The following TMEM132C variants were observed in gnomAD, a reference collection of about 807,000 sequenced individuals.
TMEM132C encodes protein phosphatase 1, regulatory subunit 152.
TMEM132C carries 29 observed loss-of-function variants against 61.4 expected under a neutral mutation model. The observed-to-expected ratio is 0.47, with a 90% CI of 0.35 to 0.64. The LOEUF is 0.64. TMEM132C is among the 30% of genes least tolerant of loss of function. The probability of loss-of-function intolerance (pLI) is 0.00; values close to 1 mark genes in which losing one functional copy is unlikely to be tolerated. For missense variants in TMEM132C, 1,408 were observed against 1,476.9 expected, an observed-to-expected ratio of 0.95 and a Z score of 0.76; for synonymous variants, 656 against 633.1, an observed-to-expected ratio of 1.04 and a Z score of -0.54.
At chr12:128,271,423 A>T (rs1304524166) in intron 1 of TMEM132C, among the ~76,000 whole-genome samples, 1 of 152,112 alleles carries the variant, frequency 6.6e-6, no homozygotes, top group Non-Finnish European at 1.5e-5. Context: ...TTATCTGTCC[A>T]TTATAAAAAA....
At chr12:128,393,973 G>T (rs919443499) in intron 1 of TMEM132C, among the ~76,000 whole-genome samples, 2 of 152,106 alleles carry the variant, frequency 1.3e-5, no homozygotes, top group Admixed American at 6.5e-5. Context: ...CTTTAAAGAC[G>T]GTGTATTAGT....
At chr12:128,610,194 C>A (rs977195888) in intron 3 of TMEM132C, among the ~76,000 whole-genome samples, 1 of 152,224 alleles carries the variant, frequency 6.6e-6, no homozygotes, top group Non-Finnish European at 1.5e-5. Flanking sequence ...TAAAGCCAAG[C>A]CTGGATCGAG....
chr12:128,385,989 G>T (rs1413272507), intron 1 of TMEM132C, among the ~76,000 whole-genome samples: 2 of 152,084 alleles, frequency 1.3e-5, no homozygotes, highest in East Asian at 3.9e-4. Flanking sequence ...CTGGGCTATG[G>T]CCCCTGGAAC....
intron 6 of TMEM132C, 140 bp downstream of exon 6, chr12:128,694,174 C>A: frequency 1.9e-6 from 2 of 1,055,966 alleles, no homozygotes; most frequent in Non-Finnish European, 2.7e-6. Context: ...GATAACCCAG[C>A]CAGGCCCAAA....
chr12:128,339,677 T>TAAAA (rs35420656), intron 1 of TMEM132C, among the ~76,000 whole-genome samples: 4 of 135,976 alleles, frequency 2.9e-5, no homozygotes, highest in African/African-American at 1.1e-4. Context: ...ACACCAGTAC[T>TAAAA]AAAAAAAAAA....
At chr12:128,549,988 C>G (rs895187575) in intron 3 of TMEM132C, among the ~76,000 whole-genome samples, 2 of 152,228 alleles carry the variant, frequency 1.3e-5, no homozygotes, top group Middle Eastern at 6.8e-3. Flanking sequence ...GGAAATACAC[C>G]CAATGGATCA....
chr12:128,311,292 C>T (rs978963362), intron 1 of TMEM132C, among the ~76,000 whole-genome samples: 1 of 152,160 alleles, frequency 6.6e-6, no homozygotes, highest in South Asian at 2.1e-4. Context: ...AAGCTGGATC[C>T]GAAGGTTGCA....
intron 1 of TMEM132C, 120 bp from the exon 2 acceptor site, chr12:128,414,612 A>G: frequency 9.0e-7 from 1 of 1,112,902 alleles, no homozygotes; most frequent in Non-Finnish European, 1.2e-6. Flanking sequence ...AATTCTAGCC[A>G]AGTGGGCTTC....
At chr12:128,660,346 C>T (rs1242829356) in intron 4 of TMEM132C, among the ~76,000 whole-genome samples, 1 of 151,934 alleles carries the variant, frequency 6.6e-6, no homozygotes, top group African/African-American at 2.4e-5. Flanking sequence ...ATAGCCAGTT[C>T]TATAGGAGAA....
At chr12:128,374,525 G>T (rs967349974) in intron 1 of TMEM132C, among the ~76,000 whole-genome samples, 7 of 152,112 alleles carry the variant, frequency 4.6e-5, no homozygotes, top group Non-Finnish European at 8.8e-5. Flanking sequence ...CCAGGCAGTG[G>T]GTGGGTTTGG....
intron 1 of TMEM132C, among the ~76,000 whole-genome samples, chr12:128,282,540 C>A (rs544938929): frequency 1.9e-4 from 29 of 152,276 alleles, no homozygotes; most frequent in Admixed American, 9.8e-4. Flanking sequence ...AAAGCCACTA[C>A]CCCCCTCCTC....
intron 2 of TMEM132C, among the ~76,000 whole-genome samples, chr12:128,449,021 C>G (rs1247552995): frequency 6.6e-6 from 1 of 150,848 alleles, no homozygotes; most frequent in Non-Finnish European, 1.5e-5. Context: ...CCTGTAGTCC[C>G]AGCTACTCGG....
chr12:128,445,125 C>T (rs1275733494), intron 2 of TMEM132C, among the ~76,000 whole-genome samples: 1 of 151,894 alleles, frequency 6.6e-6, no homozygotes, highest in Non-Finnish European at 1.5e-5. Context: ...TCCAAAAAAG[C>T]AGAGAACAGG....
rs888846746 is a variant in TMEM132C at position 128,570,018 on chromosome 12, C to T, written c.1121+25915C>T. Among the ~76,000 whole-genome samples the T allele has an allele frequency of 2.6e-5, 4 of 152,144 alleles. No individual in the cohort carries two copies. The highest frequency in any genetic ancestry group is 2.1e-4 in the South Asian group (1 of 4,812). On this transcript the variant is annotated intron_variant, in intron 3 of 8. Transcript: ENST00000435159. This position sits in a 1 kb window ranked among gnomAD's most constrained non-coding sequence, Gnocchi z 4.7. ...TTCGATGCTCTTTTATTATCATTGC[C>T]GTTAACGTGAGAAGTGAAAGGAGAG...
chr12:128,643,075 C>T (rs1361810632), intron 4 of TMEM132C, among the ~76,000 whole-genome samples: 2 of 152,158 alleles, frequency 1.3e-5, no homozygotes, highest in Admixed American at 6.5e-5. Context: ...AAAACCATGG[C>T]GTCGACGCAC....
At chr12:128,354,387 C>G (rs978467212) in intron 1 of TMEM132C, among the ~76,000 whole-genome samples, 4 of 151,942 alleles carry the variant, frequency 2.6e-5, no homozygotes, top group African/African-American at 9.6e-5. Context: ...CTTTCTTTCT[C>G]TTTCCTTTAT....
chr12:128,560,764 A>T (rs149531720), intron 3 of TMEM132C, among the ~76,000 whole-genome samples: 1 of 152,214 alleles, frequency 6.6e-6, no homozygotes, highest in African/African-American at 2.4e-5. Flanking sequence ...GCATGAATAC[A>T]TGTATTGCTG....
At chr12:128,491,025 G>A (rs1410749760) in intron 2 of TMEM132C, among the ~76,000 whole-genome samples, 4 of 152,160 alleles carry the variant, frequency 2.6e-5, no homozygotes, top group African/African-American at 9.7e-5. Context: ...CTCATTCAAG[G>A]TGTAGAGTGA....
Position 128,344,925 on chromosome 12 carries a change from C to CTT in TMEM132C, c.86-69791_86-69790dup, listed in dbSNP as rs1405355819. On this transcript the variant is annotated intron_variant, in intron 1 of 8. Coordinates refer to ENST00000435159, the MANE Select transcript of TMEM132C (RefSeq NM_001136103.3). ...TTTCCTTCCTAAAAAAGATGAGTTT[C>CTT]TTTTTTTTTTTTTTTTTAAATTTCC... 9.4e-3 allele frequency among the ~76,000 whole-genome samples: 1,268 copies of CTT among 135,046 alleles called. 23 individuals carry two copies. Among genetic ancestry groups the CTT allele is most frequent in the African/African-American group, 0.032 (1,162 of 36,644 alleles). The allele number at this position is 135,046 out of a possible 152,430, so 88.6% of individuals were successfully genotyped here.
Sources: gnomAD v4.1 joint callset for allele counts (sites outside exome capture counted in the v4.1 genomes callset) on GRCh38, gnomAD v4.1.1 for gene constraint, Gnocchi (gnomAD v3.1) non-coding constraint, MANE v1.5 for transcripts, NCBI Gene and HGNC (gene_info 2026-07-23, HGNC 2026-07-21) for gene names.